C1QTNF9: variants seen among roughly 807,000 people sequenced by gnomAD.
C1QTNF9 encodes the protein C1q and TNF related 9, also known as complement C1q and tumor necrosis factor-related protein 9A.
Under a neutral mutation model 10.1 loss-of-function variants are expected in C1QTNF9, and 6 were observed. The observed-to-expected ratio is 0.59, with a 90% CI of 0.32 to 1.17. The LOEUF (loss-of-function observed/expected upper bound fraction) is 1.17. Ranked by LOEUF, C1QTNF9 falls within the 50% of genes most tolerant of loss-of-function variation. The pLI is 0.04. For missense variants in C1QTNF9, 201 were observed against 418.8 expected (o/e 0.48, Z 4.54); for synonymous variants, 98 against 163.5 (o/e 0.60, Z 3.06).
At chr13:24,313,826 A>G (rs1359829984) in intron 1 of C1QTNF9, among the ~76,000 whole-genome samples, 1 of 152,168 alleles carries the variant, frequency 6.6e-6, no homozygotes, top group African/African-American at 2.4e-5. Context: ...ATTCACTTTG[A>G]GTTTTTGTCA....
intron 3 of C1QTNF9, among the ~76,000 whole-genome samples, chr13:24,319,692 G>A (rs566944573): frequency 3.3e-5 from 5 of 152,352 alleles, no homozygotes; most frequent in Non-Finnish European, 7.4e-5. Context: ...GCACTGAGGA[G>A]TGAGACTGAG....
At chr13:24,322,239 T>C (rs1480829258) in exon 4 of C1QTNF9, 4 of 154,110 alleles carry the variant, frequency 2.6e-5, no homozygotes, top group Non-Finnish European at 5.8e-5. Context: ...AAATTTTATT[T>C]TATTTTAAGT....
rs528098523 is a variant in C1QTNF9, at chr13:24,314,987, C to T, written c.-22-995C>T. 2.6e-5 allele frequency among the ~76,000 whole-genome samples: 4 copies of T among 152,042 alleles called. 1 individual carries two copies. Among genetic ancestry groups the T allele is most frequent in the African/African-American group, 7.2e-5 (3 of 41,430 alleles). On this transcript the variant is annotated intron_variant, in intron 1 of 3. Transcript: ENST00000332018. ...AACACCTCTCACTACAGTAAGACTT[C>T]TTGGAATGCTTTACTTTTTTAAAAA...
At chr13:24,309,127 G>C (rs1193556512), upstream of C1QTNF9, among the ~76,000 whole-genome samples, 1 of 151,876 alleles carries the variant, frequency 6.6e-6, no homozygotes, top group Middle Eastern at 3.4e-3. Context: ...CCTGTTGCCC[G>C]TAATTACCCC....
chr13:24,318,035 C>T (rs935440232), intron 2 of C1QTNF9, among the ~76,000 whole-genome samples: 3 of 152,158 alleles, frequency 2.0e-5, no homozygotes, highest in African/African-American at 7.2e-5. Context: ...CCAGCCTGCC[C>T]CTGTCGCCCC....
At chr13:24,310,778 G>T (rs1350341671) in intron 1 of C1QTNF9, among the ~76,000 whole-genome samples, 1 of 151,840 alleles carries the variant, frequency 6.6e-6, no homozygotes, top group Non-Finnish European at 1.5e-5. Flanking sequence ...CAGGCGTGGT[G>T]GTGGGCGCCT....
At chr13:24,312,897 G>A (rs1434781299) in intron 1 of C1QTNF9, among the ~76,000 whole-genome samples, 1 of 150,170 alleles carries the variant, frequency 6.7e-6, no homozygotes, top group East Asian at 2.0e-4. Context: ...AGAGCTTGCA[G>A]TGAGCCAAGA....
At position 24,316,232 on chromosome 13, in the gene C1QTNF9, C is replaced by G. The variant is rs1020626222; in HGVS notation, c.166+63C>G. 7 of 1,514,234 alleles carry G rather than the reference C, an allele frequency of 4.6e-6. No individual in the cohort carries two copies. In the African/African-American group the frequency reaches 8.2e-5, roughly 18 times the overall value. The allele number at this position is 1,514,234 out of a possible 1,614,324, so 93.8% of individuals were successfully genotyped here. ...CTCTTCATTCCTTTCATCTCATTCA[C>G]TCATCATCTGTGTGATTTTCCACCT... On this transcript the variant is annotated intron_variant, in intron 2 of 3. Transcript: ENST00000332018.
At position 24,321,672 on chromosome 13, in the gene C1QTNF9, G is replaced by A; in HGVS notation, c.906G>A (p.Trp302Ter). 6.2e-7 allele frequency: 1 copy of A among 1,614,138 alleles called. No homozygotes were observed. Among genetic ancestry groups the A allele is most frequent in the Non-Finnish European group, 8.5e-7 (1 of 1,179,990 alleles). Residue 302 changes from tryptophan to a stop codon, truncating the protein, a stop_gained, in exon 4 of 4, where the codon TGG becomes TGA. Coordinates refer to ENST00000332018, the Ensembl canonical transcript of C1QTNF9. LOFTEE classifies it high-confidence loss of function. Reference sequence around the variant, plus strand: ...AGCTGAAGCTCGGGGATGAGGTGTGGCTGCAGGTGACAGGAGGAGAGAGGT... The same window carrying A: ...AGCTGAAGCTCGGGGATGAGGTGTGACTGCAGGTGACAGGAGGAGAGAGGT...
chr13:24,315,623 T>G, intron 1 of C1QTNF9: 1 of 329,798 alleles, frequency 3.0e-6, no homozygotes, highest in Non-Finnish European at 5.5e-6. Context: ...CATATCGTGA[T>G]AAAATTTGAT....
chr13:24,317,672 T>C (rs969490590), intron 2 of C1QTNF9, among the ~76,000 whole-genome samples: 3 of 152,166 alleles, frequency 2.0e-5, no homozygotes, highest in African/African-American at 7.2e-5. Flanking sequence ...TACCTGTGCA[T>C]AATGTAGAAA....
intron 3 of C1QTNF9, among the ~76,000 whole-genome samples, chr13:24,320,629 C>T (rs1219932406): frequency 2.6e-5 from 4 of 152,194 alleles, no homozygotes; most frequent in African/African-American, 9.6e-5. Context: ...AAGTAGTCTG[C>T]CCACCTTGGC....
At chr13:24,313,794 G>C (rs1180223635) in intron 1 of C1QTNF9, among the ~76,000 whole-genome samples, 1 of 152,106 alleles carries the variant, frequency 6.6e-6, no homozygotes, top group Non-Finnish European at 1.5e-5. Context: ...CCATTCTAAA[G>C]CAACCATCTT....
chr13:24,311,799 G>T (rs894883635), intron 1 of C1QTNF9, among the ~76,000 whole-genome samples: 1 of 152,184 alleles, frequency 6.6e-6, no homozygotes, highest in Admixed American at 6.5e-5. Flanking sequence ...AGTCATCTGA[G>T]GCCAGGGGTT....
intron 1 of C1QTNF9, among the ~76,000 whole-genome samples, chr13:24,311,902 C>T (rs1877836386): frequency 6.6e-6 from 1 of 152,170 alleles, no homozygotes; most frequent in Admixed American, 6.5e-5. Flanking sequence ...AAAGGGCACC[C>T]CCTTACCCTT....
intron 1 of C1QTNF9, among the ~76,000 whole-genome samples, chr13:24,314,673 G>A (rs570398264): frequency 2.0e-5 from 3 of 151,808 alleles, no homozygotes; most frequent in African/African-American, 7.3e-5. Flanking sequence ...ACTGCATCTC[G>A]AAAACAAAAC....
chr13:24,309,416 T>G (rs868551930), upstream of C1QTNF9, among the ~76,000 whole-genome samples: 9 of 151,900 alleles, frequency 5.9e-5, no homozygotes, highest in South Asian at 2.1e-4. Context: ...GCTGGTAGAA[T>G]ATGCTACCTG....
chr13:24,320,568 A>C (rs1404710149), intron 3 of C1QTNF9, among the ~76,000 whole-genome samples: 1 of 152,132 alleles, frequency 6.6e-6, no homozygotes, highest in East Asian at 1.9e-4. Flanking sequence ...TATTTTTTGC[A>C]GAGATAAGGT....
At chr13:24,308,914 T>C (rs1391047813), upstream of C1QTNF9, among the ~76,000 whole-genome samples, 4 of 152,180 alleles carry the variant, frequency 2.6e-5, no homozygotes, top group African/African-American at 7.2e-5. Context: ...ATTGAACAAA[T>C]GGTTGCACCG....
Sources: allele counts gnomAD v4.1 joint callset (sites outside exome capture counted in the v4.1 genomes callset), GRCh38; gene constraint gnomAD v4.1.1; transcripts MANE v1.5; gene names NCBI Gene and HGNC (gene_info 2026-07-23, HGNC 2026-07-21).